SFXN5: variants seen among roughly 807,000 people sequenced by gnomAD.
SFXN5 encodes sideroflexin 5, also known as sideroflexin-5.
A neutral mutation model predicts 50.2 loss-of-function variants in SFXN5; 43 were observed. The ratio of observed to expected loss-of-function variants is 0.86; its 90% CI spans 0.67 to 1.11. SFXN5 has a LOEUF of 1.11. Ranked by LOEUF, SFXN5 falls within the 50% of genes least tolerant of loss-of-function variation. SFXN5 has a pLI of 0.00. For missense variants in SFXN5, 463 were observed against 454.1 expected (o/e 1.02, Z -0.18); for synonymous variants, 203 against 185.8 (o/e 1.09, Z -0.75).
chr2:73,049,902 G>C (rs1230753517), intron 2 of SFXN5: 1 of 149,160 alleles, frequency 6.7e-6, no homozygotes, highest in African/African-American at 2.5e-5. Context: ...CTGTGAGCCT[G>C]TAAAATCAAA....
intron 6 of SFXN5, among the ~76,000 whole-genome samples, chr2:73,018,271 GA>G (rs1309018862): frequency 6.7e-6 from 1 of 149,600 alleles, no homozygotes; most frequent in African/African-American, 2.5e-5. Context: ...AAGGAGAAAG[GA>G]AAAGAAAAAA....
In SFXN5 at chr2:72,945,002, C is replaced by T; in HGVS notation, c.*20G>A. On this transcript the variant is annotated 3_prime_UTR_variant, in exon 14 of 14. Transcript: ENST00000272433. The surrounding 1 kb of genome is among the most constrained non-coding windows in gnomAD (Gnocchi z 5.8). ...GCTCCCCGGCTGCACAGTGCTCCGT[C>T]CCCAGGCCGCTGACCACACTCACAA... 1.2e-6 allele frequency: 2 copies of T among 1,611,264 alleles called. No individual in the cohort carries two copies. The highest frequency in any genetic ancestry group is 1.7e-6 in the Non-Finnish European group (2 of 1,178,404).
rs143832076 is a variant in SFXN5 at position 72,951,988 on chromosome 2, C to T, written c.946-6889G>A. 2.4e-3 allele frequency among the ~76,000 whole-genome samples: 368 copies of T among 152,312 alleles called. 2 individuals are homozygous for T. The highest frequency in any genetic ancestry group is 7.5e-3 in the African/African-American group (311 of 41,556). On this transcript the variant is annotated intron_variant, in intron 13 of 13. Coordinates refer to ENST00000272433, the MANE Select transcript of SFXN5 (RefSeq NM_144579.3). Reference sequence around the variant, plus strand: ...TTCCGACACACACACATCCAGGCCCCACCTTTGGGAGAGCTATCTTGAGTG... The same window carrying T: ...TTCCGACACACACACATCCAGGCCCTACCTTTGGGAGAGCTATCTTGAGTG...
intron 6 of SFXN5, among the ~76,000 whole-genome samples, chr2:73,012,715 T>C (rs939537504): frequency 2.1e-5 from 3 of 141,556 alleles, no homozygotes; most frequent in African/African-American, 5.3e-5. Context: ...GCCTAAATAA[T>C]TGTTAAGTAT....
intron 1 of SFXN5, chr2:73,059,896 T>C (rs1682609618): frequency 2.3e-6 from 2 of 869,520 alleles, no homozygotes; most frequent in African/African-American, 2.0e-5. Flanking sequence ...CCAAGGATAT[T>C]CACTGCTGCA....
intron 2 of SFXN5, chr2:73,049,798 A>G (rs906761154): frequency 1.3e-5 from 2 of 152,122 alleles, no homozygotes; most frequent in Non-Finnish European, 2.9e-5. Context: ...CAGCAACTCA[A>G]AAGTCTGAAG....
chr2:73,016,778 T>A (rs1356863626), intron 6 of SFXN5, among the ~76,000 whole-genome samples: 3 of 152,182 alleles, frequency 2.0e-5, no homozygotes, highest in East Asian at 3.9e-4. Context: ...TGCAAAAGGG[T>A]GTACGGATGC....
intron 6 of SFXN5, among the ~76,000 whole-genome samples, chr2:73,008,669 G>T (rs904755830): frequency 6.6e-6 from 1 of 152,176 alleles, no homozygotes; most frequent in Non-Finnish European, 1.5e-5. Flanking sequence ...ACGCTGGCGG[G>T]TTTTTTCTGG....
intron 3 of SFXN5, among the ~76,000 whole-genome samples, chr2:73,033,835 T>C (rs1448245385): frequency 1.3e-5 from 2 of 152,174 alleles, no homozygotes; most frequent in East Asian, 3.9e-4. Context: ...CAGGGGACAT[T>C]TGGCAACATC....
At chr2:72,962,642 A>G (rs577319745) in intron 12 of SFXN5, among the ~76,000 whole-genome samples, 1 of 152,326 alleles carries the variant, frequency 6.6e-6, no homozygotes, top group African/African-American at 2.4e-5. Flanking sequence ...AGGTATTAAT[A>G]AAGATCCCAT....
rs1370114741 is a variant in SFXN5 at position 72,995,929 on chromosome 2, C to T, written c.534+3020G>A. 3.9e-5 allele frequency among the ~76,000 whole-genome samples: 6 copies of T among 152,312 alleles called. No individual in the cohort carries two copies. In the Middle Eastern group the frequency reaches 0.01, roughly 259 times the overall value. On this transcript the variant is annotated intron_variant, in intron 9 of 13. Coordinates refer to ENST00000272433, the MANE Select transcript of SFXN5 (RefSeq NM_144579.3). Reference sequence around the variant, plus strand: ...ACGCTCACTGTGTGAAGACGTCAGGCGGAGGGACGCCGCCACCACTAGGAC... The same window carrying T: ...ACGCTCACTGTGTGAAGACGTCAGGTGGAGGGACGCCGCCACCACTAGGAC...
intron 5 of SFXN5, among the ~76,000 whole-genome samples, chr2:73,021,183 G>A (rs1676840132): frequency 6.6e-6 from 1 of 152,148 alleles, no homozygotes; most frequent in Admixed American, 6.5e-5. Context: ...CGGGTGCAGG[G>A]ACTGGGAAGC....
intron 3 of SFXN5, among the ~76,000 whole-genome samples, chr2:73,037,616 A>G (rs1272922936): frequency 1.3e-5 from 2 of 152,222 alleles, no homozygotes; most frequent in Non-Finnish European, 2.9e-5. Flanking sequence ...GATAAAGAGA[A>G]GATCCTAAAT....
chr2:72,947,176 G>C (rs905213524), intron 13 of SFXN5, among the ~76,000 whole-genome samples: 17 of 152,224 alleles, frequency 1.1e-4, no homozygotes, highest in Admixed American at 6.5e-4. Context: ...GCTCCCTGAG[G>C]CAGCGGACGT....
At chr2:73,039,034 C>G (rs1377775419) in intron 3 of SFXN5, among the ~76,000 whole-genome samples, 1 of 152,116 alleles carries the variant, frequency 6.6e-6, no homozygotes, top group Admixed American at 6.5e-5. Context: ...TCAAGTGATT[C>G]CCCCCTCCTC....
Position 72,973,254 on chromosome 2 carries a change from C to G in SFXN5, c.626-1569G>C, listed in dbSNP as rs1670239178. ...CTCCTGCTTCCACCGACGCTCAGTG[C>G]AGTGGAAACCATGGGCAGTCCCTCT... On this transcript the variant is annotated intron_variant, in intron 10 of 13. Transcript: ENST00000272433. This position sits in a 1 kb window ranked among gnomAD's most constrained non-coding sequence, Gnocchi z 5.5. The G allele has an allele frequency of 6.0e-6, 1 of 166,350 alleles. No individual in the cohort carries two copies. The highest frequency in any genetic ancestry group is 1.5e-5 in the Non-Finnish European group (1 of 68,198). The allele number at this position is 166,350 out of a possible 1,614,324, so 10.3% of individuals were successfully genotyped here.
chr2:73,065,424 G>A (rs1683102183), intron 1 of SFXN5, among the ~76,000 whole-genome samples: 1 of 149,456 alleles, frequency 6.7e-6, no homozygotes, highest in South Asian at 2.1e-4. Flanking sequence ...TTTTGAGATA[G>A]AGTTTCGCTC....
At chr2:73,060,462 T>A (rs111454569) in intron 1 of SFXN5, among the ~76,000 whole-genome samples, 1 of 152,020 alleles carries the variant, frequency 6.6e-6, no homozygotes, top group Non-Finnish European at 1.5e-5. Flanking sequence ...GTCAATGTCA[T>A]AAAGACAAAG....
chr2:73,070,197 G>A (rs1390491996), intron 1 of SFXN5, among the ~76,000 whole-genome samples: 1 of 152,198 alleles, frequency 6.6e-6, no homozygotes, highest in East Asian at 1.9e-4. Context: ...TCAAGTCCAG[G>A]CAGGGACACC....
Sources: gnomAD v4.1 joint callset for allele counts (sites outside exome capture counted in the v4.1 genomes callset) on GRCh38, gnomAD v4.1.1 for gene constraint, Gnocchi (gnomAD v3.1) non-coding constraint, MANE v1.5 for transcripts, NCBI Gene and HGNC (gene_info 2026-07-23, HGNC 2026-07-21) for gene names.